The following PROK2 variants were observed in gnomAD, a reference collection of about 807,000 sequenced individuals.
PROK2 encodes prokineticin 2.
Under a neutral mutation model 14.2 loss-of-function variants are expected in PROK2, and 8 were observed. The ratio of observed to expected loss-of-function variants is 0.56; its 90% CI spans 0.33 to 1.02. The LOEUF is 1.02. Ranked by LOEUF, PROK2 falls within the 50% of genes least tolerant of loss-of-function variation. The pLI is 0.03. For missense variants in PROK2, 154 were observed against 160.4 expected, an observed-to-expected ratio of 0.96 and a Z score of 0.22; for synonymous variants, 59 against 60.7, an observed-to-expected ratio of 0.97 and a Z score of 0.13.
At chr3:71,778,306 T>G (rs1258828682) in intron 2 of PROK2, among the ~76,000 whole-genome samples, 1 of 152,282 alleles carries the variant, frequency 6.6e-6, no homozygotes, top group Middle Eastern at 3.4e-3. Context: ...ATATGCATAC[T>G]ATGCTTCCTA....
intron 2 of PROK2, among the ~76,000 whole-genome samples, chr3:71,776,274 C>A (rs2050117443): frequency 6.6e-6 from 1 of 151,898 alleles, no homozygotes; most frequent in African/African-American, 2.4e-5. Context: ...AAACCCAGTT[C>A]ACTCAGTTCT....
At chr3:71,776,242 C>T (rs1030430948) in intron 2 of PROK2, among the ~76,000 whole-genome samples, 1 of 152,036 alleles carries the variant, frequency 6.6e-6, no homozygotes, top group African/African-American at 2.4e-5. Flanking sequence ...GTCCTTAATA[C>T]TTAGGTGCTT....
chr3:71,775,980 G>A (rs950818988), intron 2 of PROK2, among the ~76,000 whole-genome samples: 5 of 152,026 alleles, frequency 3.3e-5, no homozygotes, highest in Non-Finnish European at 5.9e-5. Flanking sequence ...CAGGCAAAAC[G>A]TAACTCACAC....
chr3:71,774,468 T>G lies in PROK2; in HGVS notation c.262A>C (p.Lys88Gln). Reference sequence around the variant, plus strand: ...ACCTCCTTTTTCCTTTTGCTTCTCTTCCTCTTTCTTCTTTCCTGCCTTCCA... The same window carrying G: ...ACCTCCTTTTTCCTTTTGCTTCTCTGCCTCTTTCTTCTTTCCTGCCTTCCA... ...GNGRQERRKR[K>Q]RSKRKKEVPF... The change falls in exon 3 of 4, where the codon AAG becomes CAG. Residue 88 changes from lysine (K) to glutamine (Q), a missense_variant. Physicochemically the swap from Lys to Gln is moderately conservative, Grantham distance 53. Transcript: ENST00000295619. 2 of 1,551,410 alleles carry G rather than the reference T, an allele frequency of 1.3e-6. No homozygotes were observed. The highest frequency in any genetic ancestry group is 2.4e-5 in the South Asian group (2 of 84,010).
chr3:71,784,565 G>A (rs1048657737), intron 1 of PROK2, among the ~76,000 whole-genome samples: 47 of 152,318 alleles, frequency 3.1e-4, no homozygotes, highest in African/African-American at 9.9e-4. Context: ...TTTCAGGAAG[G>A]GGCCGTCAAA....
chr3:71,772,684 A>G lies in PROK2; in HGVS notation c.*40T>C. The G allele has an allele frequency of 6.5e-7, 1 of 1,539,654 alleles. No homozygotes were observed. Among genetic ancestry groups the G allele is most frequent in the Non-Finnish European group, 9.0e-7 (1 of 1,112,198 alleles). On this transcript the variant is annotated 3_prime_UTR_variant, in exon 4 of 4. Coordinates refer to ENST00000295619, the MANE Select transcript of PROK2 (RefSeq NM_001126128.2). ...CAATCACAAGTAAGACTTTACAGGT[A>G]AGATGTGGCTATTCACATTTGGTTT...
At chr3:71,773,982 T>C (rs953635826) in intron 3 of PROK2, among the ~76,000 whole-genome samples, 3 of 152,176 alleles carry the variant, frequency 2.0e-5, no homozygotes, top group Non-Finnish European at 4.4e-5. Flanking sequence ...CGGAGAAAGT[T>C]TAATCCCAGG....
In PROK2 at chr3:71,772,371, GA is replaced by G. The variant is rs760814546; in HGVS notation, c.*352del. 0.056 allele frequency: 11,125 copies of G among 197,674 alleles called. 3 individuals are homozygous for G. The highest frequency in any genetic ancestry group is 0.12 in the South Asian group (1,879 of 15,694). 12.2% of individuals were successfully genotyped at this position (197,674 alleles called of 1,614,324 possible). A position where few individuals can be genotyped will look rare whatever the true frequency, so the allele number is the denominator to read the frequency against. On this transcript the variant is annotated 3_prime_UTR_variant, in exon 4 of 4. Coordinates refer to ENST00000295619, the MANE Select transcript of PROK2 (RefSeq NM_001126128.2). ...GCACAAATGGGGCTTGGGGTGGTGA[GA>G]AAAAAAAAAAAAAGTTTTTCTAACA...
intron 3 of PROK2, among the ~76,000 whole-genome samples, chr3:71,773,499 T>C (rs2050096481): frequency 6.6e-6 from 1 of 152,234 alleles, no homozygotes; most frequent in African/African-American, 2.4e-5. Context: ...CTTTTACTTT[T>C]TCTCATTTAT....
At chr3:71,781,896 G>C (rs2050163248) in intron 1 of PROK2, among the ~76,000 whole-genome samples, 2 of 151,948 alleles carry the variant, frequency 1.3e-5, no homozygotes, top group South Asian at 4.1e-4. Flanking sequence ...CTTTATGGCT[G>C]AATTGGCTTT....
chr3:71,776,298 G>A (rs1033075649), intron 2 of PROK2, among the ~76,000 whole-genome samples: 2 of 149,952 alleles, frequency 1.3e-5, no homozygotes, highest in African/African-American at 2.5e-5. Context: ...AGCTCCTAAC[G>A]ACAAAAACCA....
intron 3 of PROK2, among the ~76,000 whole-genome samples, chr3:71,773,463 A>G (rs530607890): frequency 1.3e-5 from 2 of 152,178 alleles, no homozygotes; most frequent in Non-Finnish European, 2.9e-5. Context: ...CGAGAGACCA[A>G]GCTTTTAGTC....
rs2050080907 is a variant in PROK2 at position 71,771,710 on chromosome 3, T to C, written c.*1014A>G. ...AATCAAATGATATACAGTACTGTTA[T>C]TATTCTGATACAGAATTTTTACACA... is the stretch of plus-strand genomic sequence containing the variant. On this transcript the variant is annotated 3_prime_UTR_variant, in exon 4 of 4. Transcript: ENST00000295619. The C allele has an allele frequency of 6.5e-6, 1 of 152,672 alleles. No homozygotes were observed. The highest frequency in any genetic ancestry group is 1.5e-5 in the Non-Finnish European group (1 of 68,046). 9.5% of individuals were successfully genotyped at this position (152,672 alleles called of 1,614,324 possible).
intron 2 of PROK2, among the ~76,000 whole-genome samples, chr3:71,774,932 A>C (rs561469986): frequency 1.3e-4 from 20 of 152,308 alleles, no homozygotes; most frequent in Admixed American, 4.6e-4. Context: ...AAACTGCTGC[A>C]TGGGCCAGTG....
At chr3:71,783,803 G>GA (rs1190058542) in intron 1 of PROK2, among the ~76,000 whole-genome samples, 3 of 151,904 alleles carry the variant, frequency 2.0e-5, no homozygotes, top group Non-Finnish European at 2.9e-5. Context: ...GTAATTTTTT[G>GA]AAAAAATCTC....
At chr3:71,783,689 C>T (rs1219025129) in intron 1 of PROK2, among the ~76,000 whole-genome samples, 3 of 152,066 alleles carry the variant, frequency 2.0e-5, no homozygotes, top group African/African-American at 4.8e-5. Context: ...AATGAGCCAG[C>T]AGGAGAAGAG....
chr3:71,773,426 TG>T (rs1490759426), intron 3 of PROK2, among the ~76,000 whole-genome samples: 1 of 152,318 alleles, frequency 6.6e-6, no homozygotes, highest in East Asian at 1.9e-4. Context: ...ATGTAAAACT[TG>T]AAGCTTGGCT....
chr3:71,782,501 C>A (rs2050167967), intron 1 of PROK2, among the ~76,000 whole-genome samples: 1 of 152,162 alleles, frequency 6.6e-6, no homozygotes, highest in African/African-American at 2.4e-5. Context: ...AAATCTAAAT[C>A]TATTTGCATG....
intron 2 of PROK2, among the ~76,000 whole-genome samples, chr3:71,778,460 C>A (rs940178273): frequency 6.6e-6 from 1 of 152,032 alleles, no homozygotes. Context: ...AAACAGCAAA[C>A]TGAACTCGGT....
Sources: gnomAD v4.1 joint callset for allele counts (sites outside exome capture counted in the v4.1 genomes callset) on GRCh38, gnomAD v4.1.1 for gene constraint, MANE v1.5 for transcripts, NCBI Gene and HGNC (gene_info 2026-07-23, HGNC 2026-07-21) for gene names.